Variants in ANKS1B observed in about 807,000 individuals in gnomAD.
ANKS1B encodes ankyrin repeat and sterile alpha motif domain-containing protein 1B.
In ANKS1B, 36 loss-of-function variants were observed where a neutral mutation model predicts 148.3. The observed-to-expected ratio is 0.24, with a 90% CI of 0.19 to 0.32. The LOEUF (loss-of-function observed/expected upper bound fraction) is 0.32. Ranked by LOEUF, ANKS1B falls within the 10% of genes least tolerant of loss-of-function variation. ANKS1B has a pLI of 1.00. For missense variants in ANKS1B, 1,157 were observed against 1,542.6 expected, an observed-to-expected ratio of 0.75 and a Z score of 4.19; for synonymous variants, 542 against 560.8, an observed-to-expected ratio of 0.97 and a Z score of 0.47.
At chr12:99,760,270 T>C (rs535154764) in intron 8 of ANKS1B, among the ~76,000 whole-genome samples, 18 of 151,960 alleles carry the variant, frequency 1.2e-4, no homozygotes, top group African/African-American at 2.4e-4. Flanking sequence ...TACTCAAAGA[T>C]TGATGACATG....
intron 14 of ANKS1B, among the ~76,000 whole-genome samples, chr12:99,229,265 A>G (rs2086445943): frequency 6.6e-6 from 1 of 151,910 alleles, no homozygotes; most frequent in Non-Finnish European, 1.5e-5. Flanking sequence ...ATACAATGTC[A>G]TTTTAAATTA....
intron 15 of ANKS1B, among the ~76,000 whole-genome samples, chr12:99,125,247 CA>C (rs1049965771): frequency 6.6e-6 from 1 of 152,032 alleles, no homozygotes; most frequent in Admixed American, 6.6e-5. Flanking sequence ...TCATTCATTC[CA>C]AAAAGTTAAG....
chr12:99,244,276 C>A, intron 14 of ANKS1B, 66 bp downstream of exon 14: 1 of 1,078,238 alleles, frequency 9.3e-7, no homozygotes, highest in South Asian at 1.5e-5. Flanking sequence ...TCTAAAGATT[C>A]CTATCATTTT....
At chr12:99,919,694 T>C (rs1005373338) in intron 1 of ANKS1B, among the ~76,000 whole-genome samples, 4 of 151,042 alleles carry the variant, frequency 2.6e-5, no homozygotes, top group South Asian at 2.1e-4. Context: ...AATTTTGCAC[T>C]GTACTAACAT....
At chr12:99,201,733 A>G (rs955809302) in intron 14 of ANKS1B, among the ~76,000 whole-genome samples, 2 of 152,204 alleles carry the variant, frequency 1.3e-5, no homozygotes, top group African/African-American at 4.8e-5. Flanking sequence ...GAAAACACAC[A>G]TTTACAAGTC....
intron 4 of ANKS1B, 150 bp downstream of exon 4, chr12:99,806,254 G>A: frequency 1.1e-6 from 1 of 881,706 alleles, no homozygotes; most frequent in South Asian, 1.8e-5. Flanking sequence ...TTTCCCAAAA[G>A]TAGGTGGCAT....
intron 1 of ANKS1B, among the ~76,000 whole-genome samples, chr12:99,947,342 C>CT: frequency 6.6e-6 from 1 of 151,416 alleles, no homozygotes; most frequent in Non-Finnish European, 1.5e-5. Context: ...TCTGAGGTCT[C>CT]TAAGTTTACT....
In ANKS1B at chr12:99,586,693, G is replaced by T. The variant is rs374793184; in HGVS notation, c.1272+68374C>A. ...GGCTGGGTAACTTACAAAGGAAAGA[G>T]GTTTAACTGACTCACAGTTCCACAT... On this transcript the variant is annotated intron_variant, in intron 9 of 26. Transcript: ENST00000683438. 1.8e-3 allele frequency among the ~76,000 whole-genome samples: 273 copies of T among 152,246 alleles called. 2 individuals carry two copies. The highest frequency in any genetic ancestry group is 6.4e-3 in the African/African-American group (264 of 41,528).
chr12:99,464,021 G>C (rs531390983), intron 10 of ANKS1B, among the ~76,000 whole-genome samples: 213 of 152,292 alleles, frequency 1.4e-3, no homozygotes, highest in African/African-American at 4.7e-3. Context: ...CCCCCAAGCA[G>C]CCTAATTGGG....
At chr12:99,195,301 G>T (rs1336903502) in intron 14 of ANKS1B, among the ~76,000 whole-genome samples, 1 of 152,110 alleles carries the variant, frequency 6.6e-6, no homozygotes, top group Admixed American at 6.5e-5. Flanking sequence ...CATGTTAAGT[G>T]CCTAGTGTAT....
chr12:99,547,897 T>C (rs763994284), intron 9 of ANKS1B, among the ~76,000 whole-genome samples: 4 of 152,178 alleles, frequency 2.6e-5, no homozygotes, highest in Non-Finnish European at 4.4e-5. Context: ...AATTAAGGGA[T>C]TGCAGACTAC....
intron 15 of ANKS1B, among the ~76,000 whole-genome samples, chr12:99,109,207 T>G (rs1332734752): frequency 6.6e-6 from 1 of 152,142 alleles, no homozygotes; most frequent in Non-Finnish European, 1.5e-5. Flanking sequence ...TTCTGTCCTA[T>G]TCTCTCAGGA....
chr12:99,219,907 T>G (rs369950865), intron 14 of ANKS1B, among the ~76,000 whole-genome samples: 1 of 152,174 alleles, frequency 6.6e-6, no homozygotes, highest in Non-Finnish European at 1.5e-5. Flanking sequence ...AACAGAGTGG[T>G]GGTGAGTGGT....
chr12:99,322,686 C>A (rs1833639894), intron 12 of ANKS1B, among the ~76,000 whole-genome samples: 1 of 151,986 alleles, frequency 6.6e-6, no homozygotes, highest in African/African-American at 2.4e-5. Context: ...CTGAAGTCAC[C>A]CAACTTTCAC....
intron 2 of ANKS1B, among the ~76,000 whole-genome samples, chr12:99,815,185 G>A (rs2068946098): frequency 6.6e-6 from 1 of 151,396 alleles, no homozygotes; most frequent in African/African-American, 2.4e-5. Context: ...TTGTTCTTTG[G>A]CTCAAATTTT....
intron 1 of ANKS1B, among the ~76,000 whole-genome samples, chr12:99,905,356 T>A (rs993994870): frequency 2.0e-5 from 3 of 152,208 alleles, no homozygotes; most frequent in Non-Finnish European, 4.4e-5. Flanking sequence ...GCATTAAGAA[T>A]GCCAACTGAT....
chr12:99,104,070 G>C (rs1030549701), intron 15 of ANKS1B, among the ~76,000 whole-genome samples: 1 of 152,176 alleles, frequency 6.6e-6, no homozygotes, highest in Non-Finnish European at 1.5e-5. Context: ...GCAGAACTTA[G>C]GGCAGAGGAT....
chr12:99,936,589 A>T (rs1300979434), intron 1 of ANKS1B, among the ~76,000 whole-genome samples: 1 of 152,172 alleles, frequency 6.6e-6, no homozygotes. Context: ...TATGTTACTG[A>T]CTGGGAATAT....
intron 17 of ANKS1B, among the ~76,000 whole-genome samples, chr12:98,975,480 A>G (rs893555441): frequency 1.3e-5 from 2 of 151,738 alleles, no homozygotes; most frequent in African/African-American, 4.8e-5. Context: ...TTGAGTGACT[A>G]TGATGTGCCA....
Sources: gnomAD v4.1 joint callset for allele counts (sites outside exome capture counted in the v4.1 genomes callset) on GRCh38, gnomAD v4.1.1 for gene constraint, MANE v1.5 for transcripts, NCBI Gene and HGNC (gene_info 2026-07-23, HGNC 2026-07-21) for gene names.